The following MGAT4C variants were observed in gnomAD, a reference collection of about 807,000 sequenced individuals.
The protein encoded by MGAT4C is alpha-1,3-mannosyl-glycoprotein 4-beta-N-acetylglucosaminyltransferase C.
A neutral mutation model predicts 40.1 loss-of-function variants in MGAT4C; 19 were observed. That is an observed-to-expected ratio of 0.47 (90% confidence interval 0.33 to 0.70). The LOEUF is 0.70. Among genes scored for constraint, MGAT4C ranks in the 30% least tolerant of loss-of-function variants. The pLI is 0.02. For missense variants in MGAT4C, 491 were observed against 563.2 expected, an observed-to-expected ratio of 0.87 and a Z score of 1.30; for synonymous variants, 181 against 187.1, an observed-to-expected ratio of 0.97 and a Z score of 0.27.
intron 3 of MGAT4C, among the ~76,000 whole-genome samples, chr12:86,394,560 T>C (rs2136231271): frequency 6.9e-6 from 1 of 145,290 alleles, no homozygotes; most frequent in African/African-American, 2.5e-5. Flanking sequence ...TATTTATATA[T>C]TTATATATAT....
intron 1 of MGAT4C, among the ~76,000 whole-genome samples, chr12:86,198,966 C>G (rs1949929912): frequency 6.6e-6 from 1 of 152,124 alleles, no homozygotes; most frequent in Non-Finnish European, 1.5e-5. Flanking sequence ...ATCACTGGGA[C>G]TTTCAAAGAA....
At chr12:86,027,025 A>G (rs1389847460) in intron 2 of MGAT4C, among the ~76,000 whole-genome samples, 1 of 152,044 alleles carries the variant, frequency 6.6e-6, no homozygotes, top group Non-Finnish European at 1.5e-5. Flanking sequence ...TCAGTATACT[A>G]TAAGTAGGTC....
At chr12:86,139,981 A>G (rs2135735774) in intron 1 of MGAT4C, among the ~76,000 whole-genome samples, 1 of 152,298 alleles carries the variant, frequency 6.6e-6, no homozygotes, top group East Asian at 1.9e-4. Flanking sequence ...TGATCCTAAA[A>G]TAAATTCTAA....
chr12:86,612,077 C>T (rs568734615), intron 2 of MGAT4C, among the ~76,000 whole-genome samples: 62 of 152,192 alleles, frequency 4.1e-4, no homozygotes, highest in Non-Finnish European at 7.8e-4. Context: ...AATTTTTGAG[C>T]ATTTCATCCT....
intron 1 of MGAT4C, among the ~76,000 whole-genome samples, chr12:86,225,137 AG>A (rs1951027377): frequency 6.6e-6 from 1 of 152,062 alleles, no homozygotes; most frequent in Non-Finnish European, 1.5e-5. Context: ...AACTGATAAA[AG>A]ATCATCAGAG....
chr12:86,350,995 A>C (rs1428615765), intron 3 of MGAT4C, among the ~76,000 whole-genome samples: 1 of 151,562 alleles, frequency 6.6e-6, no homozygotes, highest in Non-Finnish European at 1.5e-5. Flanking sequence ...ATATAAACCC[A>C]GTTCAAATAT....
rs915838622 is a variant in MGAT4C at position 86,380,455 on chromosome 12, TA to T, written c.-119-46329del. ...TATAACATTGCTTGTATGCCAGAAA[TA>T]AAAAAAAAATTAATGCTGGAATAAA... On this transcript the variant is annotated intron_variant, in intron 3 of 7. Transcript: ENST00000548651. Among the ~76,000 whole-genome samples, 137 of 149,240 alleles carry T rather than the reference TA, an allele frequency of 9.2e-4. 1 individual carries two copies. Among genetic ancestry groups the T allele is most frequent in the Admixed American group, 4.7e-3 (71 of 14,962 alleles).
intron 1 of MGAT4C, among the ~76,000 whole-genome samples, chr12:86,136,428 T>G (rs1881961571): frequency 6.6e-6 from 1 of 152,016 alleles, no homozygotes; most frequent in African/African-American, 2.4e-5. Flanking sequence ...GGTGGTGACG[T>G]GGAGGACAAA....
chr12:86,810,199 AT>A (rs2136214891), intron 1 of MGAT4C, among the ~76,000 whole-genome samples: 1 of 151,946 alleles, frequency 6.6e-6, no homozygotes, highest in Admixed American at 6.6e-5. Context: ...TTTAAAATTG[AT>A]CCTGAGTCTT....
intron 1 of MGAT4C, among the ~76,000 whole-genome samples, chr12:86,157,618 AAG>A (rs1885113848): frequency 6.6e-6 from 1 of 152,186 alleles, no homozygotes; most frequent in Non-Finnish European, 1.5e-5. Context: ...AAGAAAAAAA[AAG>A]AAAAGAGATT....
intron 2 of MGAT4C, among the ~76,000 whole-genome samples, chr12:86,683,851 T>G (rs1406008848): frequency 6.6e-6 from 1 of 152,166 alleles, no homozygotes; most frequent in South Asian, 2.1e-4. Context: ...ATATGCTGCC[T>G]TCCTTCTTGT....
chr12:86,395,767 T>C (rs529950108), intron 3 of MGAT4C, among the ~76,000 whole-genome samples: 1 of 152,318 alleles, frequency 6.6e-6, no homozygotes, highest in East Asian at 1.9e-4. Context: ...GTCTTCTCAA[T>C]ACAACTTCAT....
intron 2 of MGAT4C, among the ~76,000 whole-genome samples, chr12:86,526,594 C>T (rs916239059): frequency 6.6e-6 from 1 of 152,002 alleles, no homozygotes; most frequent in Non-Finnish European, 1.5e-5. Flanking sequence ...AGGCTGGAGC[C>T]CCAGGAGAGG....
At chr12:86,747,334 A>C (rs1951167096) in intron 1 of MGAT4C, among the ~76,000 whole-genome samples, 1 of 151,656 alleles carries the variant, frequency 6.6e-6, no homozygotes. Context: ...GCAGCTTGTT[A>C]GAGAATTTAA....
intron 2 of MGAT4C, among the ~76,000 whole-genome samples, chr12:86,646,355 T>C (rs1265469975): frequency 1.3e-5 from 2 of 151,894 alleles, no homozygotes; most frequent in Non-Finnish European, 2.9e-5. Flanking sequence ...ATTGAACATA[T>C]ACTGTATTCT....
intron 2 of MGAT4C, among the ~76,000 whole-genome samples, chr12:86,488,998 T>C (rs1958077826): frequency 6.6e-6 from 1 of 152,150 alleles, no homozygotes; most frequent in Non-Finnish European, 1.5e-5. Flanking sequence ...CTTCTATCCC[T>C]GTGTGCCCAC....
At chr12:86,431,575 T>C (rs959508680) in intron 3 of MGAT4C, among the ~76,000 whole-genome samples, 4 of 152,164 alleles carry the variant, frequency 2.6e-5, no homozygotes, top group Non-Finnish European at 5.9e-5. Context: ...GCACTTAACA[T>C]ACTGAACCAA....
intron 2 of MGAT4C, among the ~76,000 whole-genome samples, chr12:86,641,297 C>T (rs887784409): frequency 5.9e-5 from 9 of 151,282 alleles, no homozygotes; most frequent in African/African-American, 2.2e-4. Flanking sequence ...CATATTCTCA[C>T]TCATAGGTGG....
rs73175260 is a variant in MGAT4C, at chr12:86,595,867, T to C, written c.-229+131342A>G. 8.8e-3 allele frequency among the ~76,000 whole-genome samples: 1,341 copies of C among 152,288 alleles called. 9 individuals are homozygous for C. Among genetic ancestry groups the C allele is most frequent in the Middle Eastern group, 0.014 (4 of 294 alleles). ...TTAGTCACCACAAAGTTATAAAATA[T>C]TTTTACAGCTTCCGGTCAGACCATG... On this transcript the variant is annotated intron_variant, in intron 2 of 7. Coordinates refer to the MGAT4C transcript ENST00000548651.
Sources: allele counts gnomAD v4.1 joint callset (sites outside exome capture counted in the v4.1 genomes callset), GRCh38; gene constraint gnomAD v4.1.1; transcripts MANE v1.5; gene names NCBI Gene and HGNC (gene_info 2026-07-23, HGNC 2026-07-21).